The following PSD3 variants were observed in gnomAD, a reference collection of about 807,000 sequenced individuals.
PSD3 encodes PH and SEC7 domain-containing protein 3.
PSD3 carries 49 observed loss-of-function variants against 105.5 expected under a neutral mutation model. The observed-to-expected ratio is 0.46, with a 90% CI of 0.37 to 0.59. The LOEUF is 0.59. Ranked by LOEUF, PSD3 falls within the 20% of genes least tolerant of loss-of-function variation. The pLI is 0.00. For synonymous variants in PSD3, 557 were observed against 457.8 expected (o/e 1.22, Z -2.77); for missense variants, 1,561 against 1,263.8 (o/e 1.24, Z -3.57).
At chr8:18,700,357 A>G (rs531300186) in intron 9 of PSD3, among the ~76,000 whole-genome samples, 7 of 152,316 alleles carry the variant, frequency 4.6e-5, no homozygotes, top group Admixed American at 1.3e-4. Context: ...TGAGTTATCT[A>G]TACATTATTA....
intron 8 of PSD3, among the ~76,000 whole-genome samples, chr8:18,775,827 G>A (rs1808008673): frequency 6.6e-6 from 1 of 152,082 alleles, no homozygotes; most frequent in South Asian, 2.1e-4. Flanking sequence ...AAGGGTTTTA[G>A]CTTGATGGGA....
At chr8:18,618,130 A>T (rs1805831412) in intron 11 of PSD3, among the ~76,000 whole-genome samples, 1 of 152,214 alleles carries the variant, frequency 6.6e-6, no homozygotes, top group African/African-American at 2.4e-5. Flanking sequence ...ATATTTATTT[A>T]TGCTGACTAT....
intron 1 of PSD3, among the ~76,000 whole-genome samples, chr8:19,075,533 A>T (rs926216916): frequency 1.3e-5 from 2 of 152,216 alleles, no homozygotes; most frequent in Non-Finnish European, 2.9e-5. Context: ...CCAAAACTCA[A>T]ATCCTCTTTA....
At chr8:18,880,880 C>G (rs989461180) in intron 2 of PSD3, among the ~76,000 whole-genome samples, 1 of 152,162 alleles carries the variant, frequency 6.6e-6, no homozygotes, top group Non-Finnish European at 1.5e-5. Flanking sequence ...TAAATATAAA[C>G]CACACACTAG....
chr8:18,630,160 T>C (rs10113045), intron 11 of PSD3, among the ~76,000 whole-genome samples: 16,391 of 151,430 alleles, frequency 0.11, 1,346 homozygotes, highest in African/African-American at 0.23. Flanking sequence ...GCAGGTTCCT[T>C]TGGAAAGCAG....
intron 1 of PSD3, among the ~76,000 whole-genome samples, chr8:18,942,423 A>T (rs62495891): frequency 0.17 from 26,353 of 152,118 alleles, 2,442 homozygotes; most frequent in African/African-American, 0.24. Flanking sequence ...GCAGACAGGG[A>T]CAAGAAGCTC....
At chr8:18,927,099 G>C (rs1821417887) in intron 2 of PSD3, among the ~76,000 whole-genome samples, 2 of 152,118 alleles carry the variant, frequency 1.3e-5, no homozygotes, top group African/African-American at 4.8e-5. Context: ...AGATGCATAT[G>C]GTATGTATGG....
chr8:18,751,348 T>C (rs1374878159), intron 9 of PSD3, among the ~76,000 whole-genome samples: 2 of 152,314 alleles, frequency 1.3e-5, no homozygotes, highest in African/African-American at 4.8e-5. Context: ...CCAGTTTCTT[T>C]TTTGCCACAT....
intron 10 of PSD3, among the ~76,000 whole-genome samples, chr8:18,634,854 G>A (rs1807147079): frequency 6.6e-6 from 1 of 152,074 alleles, no homozygotes; most frequent in Non-Finnish European, 1.5e-5. Flanking sequence ...TGTCCCACAG[G>A]TTCCTCTACA....
intron 4 of PSD3, among the ~76,000 whole-genome samples, chr8:18,832,917 G>A (rs1007023360): frequency 1.3e-5 from 2 of 152,028 alleles, no homozygotes; most frequent in Non-Finnish European, 2.9e-5. Context: ...GGGGATTATG[G>A]GAACTACAAT....
At chr8:18,709,720 T>C (rs1424067600) in intron 9 of PSD3, among the ~76,000 whole-genome samples, 1 of 152,136 alleles carries the variant, frequency 6.6e-6, no homozygotes, top group Non-Finnish European at 1.5e-5. Context: ...GAATAGGGTG[T>C]GGAGTGGAAC....
intron 8 of PSD3, among the ~76,000 whole-genome samples, chr8:18,797,153 A>G (rs1810257928): frequency 6.6e-6 from 1 of 152,168 alleles, no homozygotes. Context: ...TAGCTACTAT[A>G]TATTCAACAG....
At position 19,027,039 on chromosome 8, in the gene PSD3, C is replaced by T. The variant is rs528336865; in HGVS notation, c.324+57167G>A. On this transcript the variant is annotated intron_variant, in intron 1 of 1. Transcript: ENST00000521475. Reference sequence around the variant, plus strand: ...AAGAGAGAAATGTTGTAAACATTGTCGACAAAGTTGGTAAGAGGACTGCAA... The same window carrying T: ...AAGAGAGAAATGTTGTAAACATTGTTGACAAAGTTGGTAAGAGGACTGCAA... Among the ~76,000 whole-genome samples the T allele has an allele frequency of 3.1e-4, 47 of 152,126 alleles. No homozygotes were observed. The South Asian group carries it at 9.3e-3, about 30-fold the overall frequency.
At position 18,904,505 on chromosome 8, in the gene PSD3, T is replaced by C. The variant is rs181092427; in HGVS notation, c.130+31529A>G. Reference sequence around the variant, plus strand: ...GTTGGAACTTCAAGGTTTAATGTCTTCCCTGCTGGGTTTCAGACTTGTGTG... The same window carrying C: ...GTTGGAACTTCAAGGTTTAATGTCTCCCCTGCTGGGTTTCAGACTTGTGTG... On this transcript the variant is annotated intron_variant, in intron 2 of 15. Coordinates refer to ENST00000327040, the MANE Select transcript of PSD3 (RefSeq NM_015310.4). Among the ~76,000 whole-genome samples, 314 of 152,332 alleles carry C rather than the reference T, an allele frequency of 2.1e-3. 2 individuals are homozygous for C. The highest frequency in any genetic ancestry group is 2.0e-3 in the Non-Finnish European group (135 of 68,028).
At chr8:18,969,115 A>G (rs1824472747) in intron 1 of PSD3, among the ~76,000 whole-genome samples, 1 of 152,192 alleles carries the variant, frequency 6.6e-6, no homozygotes, top group Admixed American at 6.5e-5. Context: ...AAAACATATT[A>G]ACTTAATAAA....
chr8:18,925,841 A>G (rs1193432491), intron 2 of PSD3, among the ~76,000 whole-genome samples: 1 of 152,234 alleles, frequency 6.6e-6, no homozygotes, highest in Non-Finnish European at 1.5e-5. Context: ...CAGGTCCCTC[A>G]ACTGCTACTG....
chr8:18,581,610 G>A (rs139295009), intron 12 of PSD3, among the ~76,000 whole-genome samples: 6 of 152,188 alleles, frequency 3.9e-5, no homozygotes, highest in African/African-American at 7.2e-5. Context: ...GTGTTCACCC[G>A]AATTTATTCC....
intron 4 of PSD3, among the ~76,000 whole-genome samples, chr8:18,840,491 G>C (rs1054734801): frequency 6.6e-6 from 1 of 151,826 alleles, no homozygotes; most frequent in Non-Finnish European, 1.5e-5. Flanking sequence ...AGACAAAAAC[G>C]ATAGTTAGTG....
Position 18,528,920 on chromosome 8 carries a change from T to G in PSD3, c.*6823A>C, listed in dbSNP as rs913010834. ...TCCTTTCCATTTCCATCCTCGCTGT[T>G]GTTGCTGATGGAAAAGTGCTCAACT... On this transcript the variant is annotated 3_prime_UTR_variant, in exon 16 of 16. Coordinates refer to ENST00000327040, the MANE Select transcript of PSD3 (RefSeq NM_015310.4). 6.6e-6 allele frequency: 1 copy of G among 152,424 alleles called. No individual in the cohort carries two copies. The highest frequency in any genetic ancestry group is 6.5e-5 in the Admixed American group (1 of 15,288). The allele number at this position is 152,424 out of a possible 1,614,324, so 9.4% of individuals were successfully genotyped here.
Sources: allele counts gnomAD v4.1 joint callset (sites outside exome capture counted in the v4.1 genomes callset), GRCh38; gene constraint gnomAD v4.1.1; transcripts MANE v1.5; gene names NCBI Gene and HGNC (gene_info 2026-07-23, HGNC 2026-07-21).